Variants in COP1 observed in about 807,000 individuals in gnomAD.
COP1 encodes E3 ubiquitin-protein ligase COP1.
Under a neutral mutation model 101.3 loss-of-function variants are expected in COP1, and 24 were observed. The observed-to-expected ratio is 0.24, with a 90% CI of 0.17 to 0.33. The LOEUF (loss-of-function observed/expected upper bound fraction) is 0.33. Ranked by LOEUF, COP1 falls within the 10% of genes least tolerant of loss-of-function variation. COP1 has a pLI of 1.00. For missense variants in COP1, 663 were observed against 906.2 expected (o/e 0.73, Z 3.45); for synonymous variants, 347 against 341.9 (o/e 1.01, Z -0.17).
At chr1:176,087,582 A>G (rs539854641) in intron 9 of COP1, among the ~76,000 whole-genome samples, 323 of 152,266 alleles carry the variant, frequency 2.1e-3, no homozygotes, top group Non-Finnish European at 3.5e-3. Context: ...TTAGAATGGC[A>G]ATCATTAAAA....
At chr1:175,959,265 T>C (rs1451392976) in intron 18 of COP1, among the ~76,000 whole-genome samples, 1 of 152,034 alleles carries the variant, frequency 6.6e-6, no homozygotes, top group African/African-American at 2.4e-5. Context: ...CATTCATTTA[T>C]GGTAAGAACT....
chr1:176,106,882 T>C (rs1029217445), intron 9 of COP1, among the ~76,000 whole-genome samples: 1 of 152,174 alleles, frequency 6.6e-6, no homozygotes, highest in African/African-American at 2.4e-5. Context: ...TAGCTCACAA[T>C]TAGAGACTCC....
chr1:176,181,986 T>C (rs1321806462), intron 2 of COP1, among the ~76,000 whole-genome samples: 1 of 152,176 alleles, frequency 6.6e-6, no homozygotes, highest in East Asian at 1.9e-4. Flanking sequence ...CAATGGGGCT[T>C]TCCAACAATG....
At position 176,092,196 on chromosome 1, in the gene COP1, A is replaced by C. The variant is rs145083745; in HGVS notation, c.1027-6306T>G. Among the ~76,000 whole-genome samples the C allele has an allele frequency of 6.3e-3, 955 of 152,260 alleles. 11 individuals carry two copies. Among genetic ancestry groups the C allele is most frequent in the African/African-American group, 0.022 (905 of 41,552 alleles). Reference sequence around the variant, plus strand: ...CACTAGTTTATATATGGCCAAATATAAAATTTGATATAATGAATATATAGA... The same window carrying C: ...CACTAGTTTATATATGGCCAAATATCAAATTTGATATAATGAATATATAGA... On this transcript the variant is annotated intron_variant, in intron 9 of 19. Coordinates refer to ENST00000367669, the MANE Select transcript of COP1 (RefSeq NM_022457.7).
rs1373217036 is a variant in COP1, at chr1:176,046,292, G to A, written c.1310C>T (p.Ala437Val). 9 of 1,609,226 alleles carry A rather than the reference G, an allele frequency of 5.6e-6. No homozygotes were observed. The highest frequency in any genetic ancestry group is 1.7e-4 in the Middle Eastern group (1 of 6,058). The change falls in exon 12 of 20, where the codon GCG becomes GTG. Residue 437 changes from alanine to valine, a missense_variant. Ala to Val is a moderately conservative substitution (Grantham distance 64). Around this residue, in one of 4 missense-constraint regions of COP1, gnomAD observed 209 missense variants for 383.3 expected, o/e 0.55. Transcript: ENST00000367669. Reference sequence around the variant, plus strand: ...AATCTTCTTTGTAACTCCAGCAATCGCAAAATAGTCACAATCCCGGTCAAA... The same window carrying A: ...AATCTTCTTTGTAACTCCAGCAATCACAAAATAGTCACAATCCCGGTCAAA... ...IEFDRDCDYF[A>V]IAGVTKKIKV...
intron 11 of COP1, among the ~76,000 whole-genome samples, chr1:176,054,585 C>G (rs1474411988): frequency 6.6e-6 from 1 of 152,156 alleles, no homozygotes. Flanking sequence ...TTGATATATT[C>G]TGTGGTCTTT....
intron 5 of COP1, among the ~76,000 whole-genome samples, chr1:176,154,533 G>A (rs1026871484): frequency 3.9e-5 from 6 of 152,076 alleles, no homozygotes; most frequent in Non-Finnish European, 7.4e-5. Flanking sequence ...ACTAACACAG[G>A]ACGAAAACCA....
At chr1:176,056,098 G>A (rs1673431497) in intron 11 of COP1, among the ~76,000 whole-genome samples, 1 of 152,090 alleles carries the variant, frequency 6.6e-6, no homozygotes, top group Non-Finnish European at 1.5e-5. Flanking sequence ...AAATTTCCGT[G>A]TGGTATATTT....
chr1:175,995,743 T>C (rs1659975437), intron 15 of COP1, among the ~76,000 whole-genome samples: 1 of 152,138 alleles, frequency 6.6e-6, no homozygotes, highest in Admixed American at 6.5e-5. Context: ...TCTGAAATTG[T>C]GGCAAGAATC....
intron 16 of COP1, 128 bp from the exon 17 acceptor site, chr1:175,988,540 G>A (rs1289465034): frequency 5.7e-6 from 5 of 883,974 alleles, no homozygotes; most frequent in African/African-American, 3.4e-5. Context: ...GAGTTAGCAC[G>A]TTCATCTGTC....
intron 18 of COP1, among the ~76,000 whole-genome samples, chr1:175,953,290 C>CA (rs35502262): frequency 0.27 from 40,895 of 150,398 alleles, 6,554 homozygotes; most frequent in East Asian, 0.49. Context: ...TAAAAATACT[C>CA]AAAAAAAAGA....
Position 176,057,213 on chromosome 1 carries a change from G to A in COP1, c.1278-10889C>T, listed in dbSNP as rs151007136. On this transcript the variant is annotated intron_variant, in intron 11 of 19. Coordinates refer to ENST00000367669, the MANE Select transcript of COP1 (RefSeq NM_022457.7). Reference sequence around the variant, plus strand: ...GCAGGTATACCTGCTATGTAGCTCCGAAATGATTCTAAACATTTATATAGT... The same window carrying A: ...GCAGGTATACCTGCTATGTAGCTCCAAAATGATTCTAAACATTTATATAGT... Among the ~76,000 whole-genome samples, 16 of 152,218 alleles carry A rather than the reference G, an allele frequency of 1.1e-4. 1 individual carries two copies. Among genetic ancestry groups the A allele is most frequent in the African/African-American group, 3.6e-4 (15 of 41,528 alleles).
chr1:176,064,844 G>A (rs997936339), intron 11 of COP1, among the ~76,000 whole-genome samples: 1 of 151,948 alleles, frequency 6.6e-6, no homozygotes, highest in African/African-American at 2.4e-5. Flanking sequence ...GACTGGTCTC[G>A]AGCTCCTGGG....
At chr1:176,043,307 A>G in intron 13 of COP1, 40 bp from the exon 14 acceptor site, 1 of 1,216,644 alleles carries the variant, frequency 8.2e-7, no homozygotes, top group Non-Finnish European at 1.2e-6. Flanking sequence ...GATAGAATAC[A>G]GATCTCAAAA....
At chr1:175,974,367 G>T (rs1015104146) in intron 18 of COP1, among the ~76,000 whole-genome samples, 17 of 152,264 alleles carry the variant, frequency 1.1e-4, no homozygotes, top group African/African-American at 4.1e-4. Context: ...TAAAATTTTA[G>T]AAATTTAATC....
chr1:176,187,659 T>G (rs1025231365), intron 1 of COP1, among the ~76,000 whole-genome samples: 2 of 152,198 alleles, frequency 1.3e-5, no homozygotes, highest in Non-Finnish European at 2.9e-5. Context: ...TAGTTTAATC[T>G]TTCTAATTGT....
At chr1:175,992,890 T>C (rs935530286) in intron 15 of COP1, among the ~76,000 whole-genome samples, 2 of 152,160 alleles carry the variant, frequency 1.3e-5, no homozygotes, top group Admixed American at 1.3e-4. Context: ...AAGAGAGCAG[T>C]GGTTCTCCCA....
chr1:176,127,716 G>T (rs762962215), intron 8 of COP1, among the ~76,000 whole-genome samples: 1 of 152,038 alleles, frequency 6.6e-6, no homozygotes, highest in Non-Finnish European at 1.5e-5. Context: ...CAAAGAAGAT[G>T]GGACTTTTTT....
chr1:175,991,399 C>A (rs1169107022), intron 15 of COP1, among the ~76,000 whole-genome samples: 1 of 152,130 alleles, frequency 6.6e-6, no homozygotes, highest in Non-Finnish European at 1.5e-5. Context: ...AAATGGTACA[C>A]ACCCATACAG....
Sources: allele counts gnomAD v4.1 joint callset (sites outside exome capture counted in the v4.1 genomes callset), GRCh38; gene constraint gnomAD v4.1.1; regional missense constraint gnomAD v4.1.1; transcripts MANE v1.5; gene names NCBI Gene and HGNC (gene_info 2026-07-23, HGNC 2026-07-21).